Variants in ERV3-1 observed in about 807,000 individuals in gnomAD.
The protein encoded by ERV3-1 is endogenous retrovirus group 3 member 1, envelope.
ERV3-1 carries 36 observed loss-of-function variants against 24.6 expected under a neutral mutation model. The observed-to-expected ratio is 1.47, with a 90% confidence interval of 1.12 to 1.94. ERV3-1 has a LOEUF of 1.94. Among genes scored for constraint, ERV3-1 ranks in the 30% most tolerant of loss-of-function variants. The pLI, the probability that ERV3-1 is intolerant of heterozygous loss-of-function variation, is 0.00. For missense variants in ERV3-1, 578 were observed against 330.9 expected (o/e 1.75, Z -5.79); for synonymous variants, 211 against 122.6 (o/e 1.72, Z -4.76).
Position 64,992,875 on chromosome 7 carries a change from T to C in ERV3-1, c.152A>G (p.Tyr51Cys). 1.3e-6 allele frequency: 1 copy of C among 766,112 alleles called. No homozygotes were observed. The highest frequency in any genetic ancestry group is 2.4e-6 in the Non-Finnish European group (1 of 417,884). 47.5% of individuals were successfully genotyped at this position (766,112 alleles called of 1,614,324 possible). A position where few individuals can be genotyped will look rare whatever the true frequency, so the allele number is the denominator to read the frequency against. The change falls in exon 2 of 2, where the codon TAT (tyrosine) becomes TGT (cysteine). Residue 51 changes from tyrosine to cysteine, a missense_variant. Coordinates refer to ENST00000394323, the MANE Select transcript of ERV3-1 (RefSeq NM_001007253.4). ...MTKTLLYHTYYECAGTCLGTC... is the reference protein window; with the variant it reads ...MTKTLLYHTYCECAGTCLGTC... ...TCCTAGGCAGGTCCCAGCACACTCA[T>C]AATAAGTGTGATACAACAGGGTTTT...
Position 64,992,844 on chromosome 7 carries a change from A to G in ERV3-1, c.183T>C (p.Cys61=), listed in dbSNP as rs1191092517. The change falls in exon 2 of 2, where the codon TGT becomes TGC. Residue 61 remains cysteine (C), a synonymous_variant. Coordinates refer to ENST00000394323, the MANE Select transcript of ERV3-1 (RefSeq NM_001007253.4). ...CTGAGTAGGTTGTCTGGTTGTGAGT[A>G]CAAGTTCCTAGGCAGGTCCCAGCAC... The part of the protein sequence containing the change: ...YECAGTCLGT[C]THNQTTYSVC... 1.3e-6 allele frequency: 1 copy of G among 766,288 alleles called. No individual in the cohort carries two copies. The highest frequency in any genetic ancestry group is 2.4e-6 in the Non-Finnish European group (1 of 417,908). 47.5% of individuals were successfully genotyped at this position (766,288 alleles called of 1,614,324 possible). A position where few individuals can be genotyped will look rare whatever the true frequency, so the allele number is the denominator to read the frequency against.
chr7:65,006,648 A>C lies in ERV3-1; in HGVS notation c.-496T>G, dbSNP rs1786658774. On this transcript the variant is annotated 5_prime_UTR_variant, in exon 1 of 2. Transcript: ENST00000394323. ...CCTCTAGGAGCAGAAGACACAGAGC[A>C]GTGAAGACTACACCAGAAGCTCCGG... 1 of 1,525,938 alleles carries C rather than the reference A, an allele frequency of 6.6e-7. No individual in the cohort carries two copies. The highest frequency in any genetic ancestry group is 2.3e-5 in the East Asian group (1 of 44,214). The allele number at this position is 1,525,938 out of a possible 1,614,324, so 94.5% of individuals were successfully genotyped here.
chr7:64,991,002 T>C lies in ERV3-1; in HGVS notation c.*210A>G, dbSNP rs1334321741. ...CTTCAAGAGGAAGTAGCTCTTTTCT[T>C]GGCAGGGGTTAATACTTAGTTAGGG... is the stretch of plus-strand genomic sequence containing the variant. On this transcript the variant is annotated 3_prime_UTR_variant, in exon 2 of 2. Coordinates refer to ENST00000394323, the MANE Select transcript of ERV3-1 (RefSeq NM_001007253.4). The C allele has an allele frequency of 4.8e-6, 2 of 416,982 alleles. No individual in the cohort carries two copies. The highest frequency in any genetic ancestry group is 2.0e-5 in the African/African-American group (1 of 49,362). 25.8% of individuals were successfully genotyped at this position (416,982 alleles called of 1,614,324 possible). A position where few individuals can be genotyped will look rare whatever the true frequency, so the allele number is the denominator to read the frequency against.
intron 1 of ERV3-1, 36 bp downstream of exon 1, chr7:65,006,505 C>T (rs1291699010): frequency 6.4e-7 from 1 of 1,570,580 alleles, no homozygotes; most frequent in African/African-American, 1.4e-5. Flanking sequence ...ACCAGCCCCG[C>T]CCCCTCTCTC....
intron 1 of ERV3-1, among the ~76,000 whole-genome samples, chr7:64,993,819 GTCCAGT>G (rs796560403): frequency 1.1e-4 from 17 of 152,276 alleles, no homozygotes; most frequent in African/African-American, 4.1e-4. Flanking sequence ...CTGTTTGAGT[GTCCAGT>G]TCATGCACTC....
intron 1 of ERV3-1, among the ~76,000 whole-genome samples, chr7:65,003,151 C>G (rs1014963977): frequency 1.1e-4 from 16 of 152,128 alleles, no homozygotes; most frequent in African/African-American, 3.6e-4. Context: ...GCTGGGACAT[C>G]TGCAGGGAAG....
Position 64,993,087 on chromosome 7 carries a change from A to T in ERV3-1, c.-61T>A. 1.6e-6 allele frequency: 1 copy of T among 637,242 alleles called. No individual in the cohort carries two copies. Among genetic ancestry groups the T allele is most frequent in the Non-Finnish European group, 2.8e-6 (1 of 355,978 alleles). The allele number at this position is 637,242 out of a possible 1,614,324, so 39.5% of individuals were successfully genotyped here. A position where few individuals can be genotyped will look rare whatever the true frequency, so the allele number is the denominator to read the frequency against. Reference sequence around the variant, plus strand: ...AAGCAAAGTGACAGCTTAATAGCAAAGTAATTAATATGACAAGGAAAATTA... The same window carrying T: ...AAGCAAAGTGACAGCTTAATAGCAATGTAATTAATATGACAAGGAAAATTA... On this transcript the variant is annotated 5_prime_UTR_variant, in exon 2 of 2. Transcript: ENST00000394323.
At chr7:65,001,700 C>T (rs965010016) in intron 1 of ERV3-1, among the ~76,000 whole-genome samples, 8 of 152,154 alleles carry the variant, frequency 5.3e-5, no homozygotes, top group South Asian at 2.1e-4. Flanking sequence ...CATTCCCAGA[C>T]ACCCAGAGTT....
At position 64,992,572 on chromosome 7, in the gene ERV3-1, G is replaced by A. The variant is rs752139181; in HGVS notation, c.455C>T (p.Ala152Val). 3 of 766,284 alleles carry A rather than the reference G, an allele frequency of 3.9e-6. No homozygotes were observed. Among genetic ancestry groups the A allele is most frequent in the East Asian group, 2.4e-5 (1 of 41,244 alleles). The allele number at this position is 766,284 out of a possible 1,614,324, so 47.5% of individuals were successfully genotyped here. A position where few individuals can be genotyped will look rare whatever the true frequency, so the allele number is the denominator to read the frequency against. The change falls in exon 2 of 2, where the codon GCA becomes GTA. Residue 152 changes from alanine (A) to valine (V), a missense_variant. Transcript: ENST00000394323. ...YYSSCHKNRYAHPACSTDSPV... is the reference protein window; with the variant it reads ...YYSSCHKNRYVHPACSTDSPV... ...GGAATCGGTGGAACAAGCAGGGTGT[G>A]CATACCTATTTTTATGGCAGCTACT...
chr7:65,004,758 A>C (rs1437133205), intron 1 of ERV3-1: 1 of 152,044 alleles, frequency 6.6e-6, no homozygotes, highest in East Asian at 1.9e-4. Flanking sequence ...CTGCTCACTT[A>C]AGTGCTCAGT....
chr7:64,996,238 G>A (rs1481501089), intron 1 of ERV3-1, among the ~76,000 whole-genome samples: 1 of 152,138 alleles, frequency 6.6e-6, no homozygotes, highest in Non-Finnish European at 1.5e-5. Flanking sequence ...GTGTTCCAGG[G>A]TGACTGGCAT....
At chr7:64,994,919 A>C (rs1320014450) in intron 1 of ERV3-1, among the ~76,000 whole-genome samples, 1 of 152,174 alleles carries the variant, frequency 6.6e-6, no homozygotes, top group Non-Finnish European at 1.5e-5. Context: ...CCAGCACAAA[A>C]CTGCTTCCAT....
At chr7:64,995,306 T>C (rs1300400439) in intron 1 of ERV3-1, among the ~76,000 whole-genome samples, 1 of 152,198 alleles carries the variant, frequency 6.6e-6, no homozygotes, top group Non-Finnish European at 1.5e-5. Flanking sequence ...GAGTCAACTG[T>C]TTGGATAAGT....
chr7:64,993,441 A>T (rs1373404496), intron 1 of ERV3-1, 27 bp from the exon 2 acceptor site: 1 of 173,340 alleles, frequency 5.8e-6, no homozygotes, highest in Non-Finnish European at 1.2e-5. Flanking sequence ...AATAGACAAG[A>T]TTACAGTATG....
rs754512409 is a variant in ERV3-1, at chr7:64,992,777, G to A, written c.250C>T (p.Pro84Ser). 5.9e-5 allele frequency: 45 copies of A among 766,244 alleles called. No individual in the cohort carries two copies. In the Admixed American group the frequency reaches 7.5e-4, roughly 13 times the overall value. 47.5% of individuals were successfully genotyped at this position (766,244 alleles called of 1,614,324 possible). ...GRGQPYVCYD[P>S]KSSPGTWFEI... ...AACCAGGTCCCAGGTGAAGACTTAG[G>A]GTCATAACACACATAAGGCTGGCCC... The change falls in exon 2 of 2, where the codon CCT (proline) becomes TCT (serine). Residue 84 changes from proline to serine, a missense_variant. Pro to Ser is a moderately conservative substitution (Grantham distance 74, BLOSUM62 -1). Transcript: ENST00000394323.
At chr7:65,006,253 C>T in intron 1 of ERV3-1, 2 of 510,434 alleles carry the variant, frequency 3.9e-6, no homozygotes, top group Non-Finnish European at 7.1e-6. Flanking sequence ...GTGGTCCCTG[C>T]ACAATCGGGG....
chr7:64,996,703 C>T (rs1297142219), intron 1 of ERV3-1, among the ~76,000 whole-genome samples: 1 of 152,212 alleles, frequency 6.6e-6, no homozygotes, highest in Non-Finnish European at 1.5e-5. Flanking sequence ...CAAAGACACA[C>T]CTCCTTGGCT....
chr7:64,997,511 C>T (rs942026149), intron 1 of ERV3-1, among the ~76,000 whole-genome samples: 53 of 152,150 alleles, frequency 3.5e-4, no homozygotes, highest in Non-Finnish European at 3.2e-4. Context: ...GTGTTGACTG[C>T]CTTTTTCCCA....
chr7:64,994,433 C>T (rs978740040), intron 1 of ERV3-1, among the ~76,000 whole-genome samples: 5 of 152,132 alleles, frequency 3.3e-5, no homozygotes, highest in Admixed American at 6.5e-5. Flanking sequence ...CCTTCTCATT[C>T]GGAGAGTAAC....
Sources: allele counts gnomAD v4.1 joint callset (sites outside exome capture counted in the v4.1 genomes callset), GRCh38; gene constraint gnomAD v4.1.1; transcripts MANE v1.5; gene names NCBI Gene and HGNC (gene_info 2026-07-23, HGNC 2026-07-21).